TAMM41: variants seen among roughly 807,000 people sequenced by gnomAD.
The protein encoded by TAMM41 is TAM41 mitochondrial translocator assembly and maintenance homolog.
Under a neutral mutation model 44.1 loss-of-function variants are expected in TAMM41, and 36 were observed. The observed-to-expected ratio is 0.82, with a 90% CI of 0.63 to 1.08. The LOEUF (loss-of-function observed/expected upper bound fraction) is 1.08, where lower values mean the gene tolerates loss of function less well. Ranked by LOEUF, TAMM41 falls within the 50% of genes least tolerant of loss-of-function variation. TAMM41 has a pLI of 0.00. For synonymous variants in TAMM41, 164 were observed against 153.1 expected (o/e 1.07, Z -0.53); for missense variants, 417 against 404.3 (o/e 1.03, Z -0.27).
intron 1 of TAMM41, among the ~76,000 whole-genome samples, chr3:11,845,462 T>TG (rs1321147313): frequency 1.3e-5 from 2 of 152,196 alleles, no homozygotes; most frequent in Non-Finnish European, 2.9e-5. Flanking sequence ...GGCTAACGCC[T>TG]GCTCTGTAGA....
At chr3:11,844,842 A>G in intron 1 of TAMM41, 1 of 449,568 alleles carries the variant, frequency 2.2e-6, no homozygotes, top group Non-Finnish European at 4.5e-6. Context: ...GAGAGAATAA[A>G]CAAATTATCA....
chr3:11,833,385 G>C (rs906907513), intron 3 of TAMM41, among the ~76,000 whole-genome samples: 2 of 152,306 alleles, frequency 1.3e-5, no homozygotes, highest in Middle Eastern at 3.4e-3. Flanking sequence ...GTCACAAGGA[G>C]AGACTACTTG....
intron 4 of TAMM41, among the ~76,000 whole-genome samples, chr3:11,824,455 G>A (rs977388179): frequency 4.1e-5 from 6 of 146,140 alleles, no homozygotes; most frequent in Admixed American, 1.4e-4. Context: ...TCGCCCGCCC[G>A]GCTAATTTCT....
intron 4 of TAMM41, among the ~76,000 whole-genome samples, chr3:11,817,565 T>C (rs186377858): frequency 1.5e-4 from 23 of 152,310 alleles, no homozygotes; most frequent in African/African-American, 5.5e-4. Flanking sequence ...GCCAGTTAAA[T>C]TATAGTTACC....
At chr3:11,780,446 G>A in the TAMM41 span, among the ~76,000 whole-genome samples, 25 of 152,270 alleles carry the variant, frequency 1.6e-4, no homozygotes, top group South Asian at 2.3e-3. Context: ...CCTCCAGATT[G>A]GGAGAACACC....
At chr3:11,814,095 T>C (rs923423016) in intron 5 of TAMM41, among the ~76,000 whole-genome samples, 3 of 151,782 alleles carry the variant, frequency 2.0e-5, no homozygotes, top group African/African-American at 4.8e-5. Flanking sequence ...AGAGGATCAC[T>C]TGAGTGCAAG....
At chr3:11,835,152 A>G (rs758475835) in intron 3 of TAMM41, among the ~76,000 whole-genome samples, 30 of 151,734 alleles carry the variant, frequency 2.0e-4, no homozygotes, top group Non-Finnish European at 3.8e-4. Context: ...CTTTCTTAAG[A>G]TATTTACCCA....
Position 11,807,803 on chromosome 3 carries a change from A to G in TAMM41, c.937+30T>C, listed in dbSNP as rs2077962422. The G allele has an allele frequency of 2.6e-6, 4 of 1,536,152 alleles. No individual in the cohort carries two copies. In the South Asian group the frequency reaches 3.6e-5, roughly 14 times the overall value. Reference sequence around the variant, plus strand: ...TGTGGAAGCCACTCAGTCAGCAGGTATGTTACACACGGATTTCCAAAGCTC... The same window carrying G: ...TGTGGAAGCCACTCAGTCAGCAGGTGTGTTACACACGGATTTCCAAAGCTC... On this transcript the variant is annotated intron_variant, in intron 7 of 7. Transcript: ENST00000455809.
At chr3:11,785,052 T>C in the TAMM41 span, among the ~76,000 whole-genome samples, 1 of 152,124 alleles carries the variant, frequency 6.6e-6, no homozygotes, top group Non-Finnish European at 1.5e-5. Context: ...TATGGAAATT[T>C]ACATATGATT....
At chr3:11,825,873 C>T (rs2078727422) in intron 4 of TAMM41, among the ~76,000 whole-genome samples, 1 of 151,882 alleles carries the variant, frequency 6.6e-6, no homozygotes, top group African/African-American at 2.4e-5. Context: ...TTCACTGCAG[C>T]CTGGAAGTTG....
chr3:11,753,743 AAAAAT>A, the TAMM41 span, among the ~76,000 whole-genome samples: 1 of 152,030 alleles, frequency 6.6e-6, no homozygotes, highest in Non-Finnish European at 1.5e-5. Context: ...TCTCAAAAAA[AAAAAT>A]AAAATAAACT....
intron 3 of TAMM41, chr3:11,833,125 G>C: frequency 7.8e-7 from 1 of 1,284,526 alleles, no homozygotes; most frequent in Non-Finnish European, 1.0e-6. Context: ...AAAAGCCAGT[G>C]AACTCTTGGG....
the TAMM41 span, among the ~76,000 whole-genome samples, chr3:11,729,521 CTTTCTTTTCTTTCTTTCATT>C: frequency 5.0e-4 from 47 of 93,952 alleles, no homozygotes; most frequent in Admixed American, 1.3e-3. Flanking sequence ...TTCTTTCTTT[CTTTCTTTTCTTTCTTTCATT>C]TTTTTTTTTT....
At chr3:11,733,743 C>T in the TAMM41 span, among the ~76,000 whole-genome samples, 1 of 152,116 alleles carries the variant, frequency 6.6e-6, no homozygotes. Flanking sequence ...GATGCATCCG[C>T]CTCGGCCTCC....
chr3:11,764,440 A>G, the TAMM41 span, among the ~76,000 whole-genome samples: 1 of 150,240 alleles, frequency 6.7e-6, no homozygotes, highest in Admixed American at 6.6e-5. Flanking sequence ...ACACAACCTG[A>G]AGGCCCAGGG....
At chr3:11,734,149 G>C in the TAMM41 span, among the ~76,000 whole-genome samples, 5 of 152,174 alleles carry the variant, frequency 3.3e-5, no homozygotes, top group Non-Finnish European at 7.3e-5. Context: ...AAGAGAACCC[G>C]GGCCTTTGGT....
intron 4 of TAMM41, among the ~76,000 whole-genome samples, chr3:11,829,274 CT>C (rs1387540214): frequency 1.3e-5 from 2 of 152,110 alleles, no homozygotes; most frequent in Non-Finnish European, 2.9e-5. Flanking sequence ...ATTAAATCAA[CT>C]GTCTGGGGTA....
At chr3:11,774,260 G>A in the TAMM41 span, among the ~76,000 whole-genome samples, 6 of 152,168 alleles carry the variant, frequency 3.9e-5, no homozygotes, top group Non-Finnish European at 7.3e-5. Context: ...ATAAAACAGA[G>A]CCAGGCAGAG....
Position 11,793,081 on chromosome 3 carries a change from A to G in TAMM41, c.938-2500T>C, listed in dbSNP as rs866753693. 3.6e-3 allele frequency among the ~76,000 whole-genome samples: 521 copies of G among 143,952 alleles called. 5 individuals carry two copies. Among genetic ancestry groups the G allele is most frequent in the African/African-American group, 0.012 (473 of 39,274 alleles). The allele number at this position is 143,952 out of a possible 152,430, so 94.4% of individuals were successfully genotyped here. On this transcript the variant is annotated intron_variant, in intron 7 of 7. Coordinates refer to ENST00000455809, the MANE Select transcript of TAMM41 (RefSeq NM_001284401.2). Reference sequence around the variant, plus strand: ...TCTCAAAAAAAAAAAAAAAAAAAAAAAAAGAGAGTGAAATGACAAGCCACG... The same window carrying G: ...TCTCAAAAAAAAAAAAAAAAAAAAAGAAAGAGAGTGAAATGACAAGCCACG...
Sources: gnomAD v4.1 joint callset for allele counts (sites outside exome capture counted in the v4.1 genomes callset) on GRCh38, gnomAD v4.1.1 for gene constraint, MANE v1.5 for transcripts, NCBI Gene and HGNC (gene_info 2026-07-23, HGNC 2026-07-21) for gene names.